PRPS1L1: variants seen among roughly 807,000 people sequenced by gnomAD.
PRPS1L1 encodes the protein ribose-phosphate pyrophosphokinase 3.
Under a neutral mutation model 16.4 loss-of-function variants are expected in PRPS1L1, and 12 were observed. That is an observed-to-expected ratio of 0.73 (90% confidence interval 0.47 to 1.19). The LOEUF (loss-of-function observed/expected upper bound fraction) is 1.19. Ranked by LOEUF, PRPS1L1 falls within the 50% of genes most tolerant of loss-of-function variation. The pLI, the probability that PRPS1L1 is intolerant of heterozygous loss-of-function variation, is 0.00. For synonymous variants in PRPS1L1, 153 were observed against 142.5 expected (o/e 1.07, Z -0.53); for missense variants, 408 against 395.8 (o/e 1.03, Z -0.26).
At position 18,027,355 on chromosome 7, in the gene PRPS1L1, TCTA is replaced by T; in HGVS notation, c.425_427del (p.Val142del). ...GACAGTTGGCTCTGCATACAAGTTG[TCTA>T]CTGGGATATCAAAAAAGCCCTGAAT... On this transcript the variant is annotated inframe_deletion, in exon 1 of 1. Coordinates refer to ENST00000506618, the MANE Select transcript of PRPS1L1 (RefSeq NM_175886.3). The T allele has an allele frequency of 6.2e-7, 1 of 1,614,180 alleles. No individual in the cohort carries two copies. Among genetic ancestry groups the T allele is most frequent in the Non-Finnish European group, 8.5e-7 (1 of 1,180,030 alleles).
At position 18,027,591 on chromosome 7, in the gene PRPS1L1, G is replaced by T; in HGVS notation, c.192C>A (p.Asn64Lys). Residue 64 changes from asparagine to lysine, a missense_variant, in exon 1 of 1, where the codon AAC becomes AAA. Coordinates refer to ENST00000506618, the MANE Select transcript of PRPS1L1 (RefSeq NM_175886.3). ...TGATCAAAAGCTCCATTAGACTGTC[G>T]TTGATTTCGCCACAACCACTCTGAA... 6.2e-7 allele frequency: 1 copy of T among 1,614,042 alleles called. No homozygotes were observed. Among genetic ancestry groups the T allele is most frequent in the Non-Finnish European group, 8.5e-7 (1 of 1,180,012 alleles).
chr7:18,027,031 C>G lies in PRPS1L1; in HGVS notation c.752G>C (p.Gly251Ala), dbSNP rs1218469939. The G allele has an allele frequency of 2.5e-6, 4 of 1,614,118 alleles. No homozygotes were observed. The highest frequency in any genetic ancestry group is 3.4e-6 in the Non-Finnish European group (4 of 1,180,006). ...AGAAATGGCTGGGCCAGAAAAGATT[C>G]CATGAGTCAAGATAGCATAAACTCT... Residue 251 changes from glycine (G) to alanine (A), a missense_variant, in exon 1 of 1, where the codon GGA (glycine) becomes GCA (alanine). Physicochemically the swap from Gly to Ala is moderately conservative, Grantham distance 60. Transcript: ENST00000506618.
In PRPS1L1 at chr7:18,027,824, G is replaced by A. The variant is rs550632968; in HGVS notation, c.-42C>T. On this transcript the variant is annotated 5_prime_UTR_variant, in exon 1 of 1. Coordinates refer to ENST00000506618, the MANE Select transcript of PRPS1L1 (RefSeq NM_175886.3). Reference sequence around the variant, plus strand: ...AGGCACTCCGTCGAGCGATCCAGCTGCCGCTGAGGCTGGAACGGAAGTGAA... The same window carrying A: ...AGGCACTCCGTCGAGCGATCCAGCTACCGCTGAGGCTGGAACGGAAGTGAA... 8 of 1,580,134 alleles carry A rather than the reference G, an allele frequency of 5.1e-6. No homozygotes were observed. The highest frequency in any genetic ancestry group is 3.3e-4 in the Middle Eastern group (2 of 5,988).
chr7:18,027,250 A>G lies in PRPS1L1; in HGVS notation c.533T>C (p.Val178Ala). The G allele has an allele frequency of 2.5e-6, 4 of 1,613,946 alleles. No individual in the cohort carries two copies. Among genetic ancestry groups the G allele is most frequent in the Non-Finnish European group, 3.4e-6 (4 of 1,180,018 alleles). ...ATTCAACTGGTCTGCAATGGAGGTC[A>G]CTCTTTTAGCTCCACCAGCATCTGG... Residue 178 changes from valine (V) to alanine (A), a missense_variant, in exon 1 of 1, where the codon GTG becomes GCG. Val to Ala is a moderately conservative substitution (Grantham distance 64, BLOSUM62 0). Coordinates refer to ENST00000506618, the MANE Select transcript of PRPS1L1 (RefSeq NM_175886.3).
chr7:18,026,782 AAT>A lies in PRPS1L1; in HGVS notation c.*42_*43del. On this transcript the variant is annotated 3_prime_UTR_variant, in exon 1 of 1. Coordinates refer to ENST00000506618, the MANE Select transcript of PRPS1L1 (RefSeq NM_175886.3). ...AATAAAGGCAAGGTTTGTTTTTATT[AAT>A]CTTATTTTATTTTAAAATAGCATAA... is the stretch of plus-strand genomic sequence containing the variant. The A allele has an allele frequency of 7.3e-7, 1 of 1,372,046 alleles. No homozygotes were observed. The highest frequency in any genetic ancestry group is 9.9e-7 in the Non-Finnish European group (1 of 1,007,830). The allele number at this position is 1,372,046 out of a possible 1,614,324, so 85.0% of individuals were successfully genotyped here.
rs1218469939 is a variant in PRPS1L1, at chr7:18,027,031, C to A, written c.752G>T (p.Gly251Val). 6.2e-7 allele frequency: 1 copy of A among 1,614,000 alleles called. No individual in the cohort carries two copies. Among genetic ancestry groups the A allele is most frequent in the Non-Finnish European group, 8.5e-7 (1 of 1,180,014 alleles). ...AGAAATGGCTGGGCCAGAAAAGATT[C>A]CATGAGTCAAGATAGCATAAACTCT... The change falls in exon 1 of 1, where the codon GGA (glycine) becomes GTA (valine). Residue 251 changes from glycine to valine, a missense_variant. By Grantham distance (109) the Gly-to-Val change is moderately radical (BLOSUM62 -3). Coordinates refer to ENST00000506618, the MANE Select transcript of PRPS1L1 (RefSeq NM_175886.3).
Position 18,027,533 on chromosome 7 carries a change from G to T in PRPS1L1, c.250C>A (p.Arg84=), listed in dbSNP as rs1050872870. 1 of 1,614,032 alleles carries T rather than the reference G, an allele frequency of 6.2e-7. No individual in the cohort carries two copies. Among genetic ancestry groups the T allele is most frequent in the African/African-American group, 1.3e-5 (1 of 74,974 alleles). ...AAGCATGGGATGACTGCAGTAACTC[G>T]GCTAGCTGAAGCAATCTTGCAGGCA... is the stretch of plus-strand genomic sequence containing the variant. The change falls in exon 1 of 1, where the codon CGA becomes AGA. Residue 84 remains arginine, a synonymous_variant. Transcript: ENST00000506618.
chr7:18,027,251 C>T lies in PRPS1L1; in HGVS notation c.532G>A (p.Val178Met). The change falls in exon 1 of 1, where the codon GTG (valine) becomes ATG (methionine). Residue 178 changes from valine to methionine, a missense_variant. Physicochemically the swap from Val to Met is conservative, Grantham distance 21. Coordinates refer to ENST00000506618, the MANE Select transcript of PRPS1L1 (RefSeq NM_175886.3). ...TTCAACTGGTCTGCAATGGAGGTCACTCTTTTAGCTCCACCAGCATCTGGC... is the reference window on the plus strand; with the variant it reads ...TTCAACTGGTCTGCAATGGAGGTCATTCTTTTAGCTCCACCAGCATCTGGC... The T allele has an allele frequency of 3.7e-6, 6 of 1,614,210 alleles. No homozygotes were observed. Among genetic ancestry groups the T allele is most frequent in the African/African-American group, 1.3e-5 (1 of 75,048 alleles).
Position 18,027,290 on chromosome 7 carries a change from A to C in PRPS1L1, c.493T>G (p.Cys165Gly). 1 of 1,614,218 alleles carries C rather than the reference A, an allele frequency of 6.2e-7. No individual in the cohort carries two copies. The highest frequency in any genetic ancestry group is 8.5e-7 in the Non-Finnish European group (1 of 1,180,046). The change falls in exon 1 of 1, where the codon TGC becomes GGC. Residue 165 changes from cysteine to glycine, a missense_variant. Coordinates refer to ENST00000506618, the MANE Select transcript of PRPS1L1 (RefSeq NM_175886.3). ...CCAGCATCTGGCGAGACAATAATGC[A>C]GTTCTTCCACTCAGGGATATTCTCC... is the stretch of plus-strand genomic sequence containing the variant.
At position 18,027,446 on chromosome 7, in the gene PRPS1L1, CA is replaced by C. The variant is rs751607985; in HGVS notation, c.336del (p.Ala113GlnfsTer6). ...GCACCTGCTATAGAGAGCATATTTGCAACAAGCTTGGCAGAGATTGGGGACC... is the reference window on the plus strand; with the variant it reads ...GCACCTGCTATAGAGAGCATATTTGCACAAGCTTGGCAGAGATTGGGGACC... On this transcript the variant is annotated frameshift_variant, in exon 1 of 1. Transcript: ENST00000506618. LOFTEE classifies it high-confidence loss of function. 4.5e-5 allele frequency: 73 copies of C among 1,614,054 alleles called. No individual in the cohort carries two copies. The highest frequency in any genetic ancestry group is 4.6e-5 in the Non-Finnish European group (54 of 1,180,052).
Position 18,027,160 on chromosome 7 carries a change from A to C in PRPS1L1, c.623T>G (p.Val208Gly), listed in dbSNP as rs772029191. The change falls in exon 1 of 1, where the codon GTG becomes GGG. Residue 208 changes from valine (V) to glycine (G), a missense_variant. Physicochemically the swap from Val to Gly is moderately radical, Grantham distance 109 (BLOSUM62 -3). Coordinates refer to ENST00000506618, the MANE Select transcript of PRPS1L1 (RefSeq NM_175886.3). ...AGCCACACGATCATTCACATCTCCC[A>C]CTAGCACTATGCAGTCCACTTCATT... is the stretch of plus-strand genomic sequence containing the variant. 19 of 1,614,098 alleles carry C rather than the reference A, an allele frequency of 1.2e-5. No homozygotes were observed. Among genetic ancestry groups the C allele is most frequent in the Non-Finnish European group, 1.5e-5 (18 of 1,180,046 alleles).
rs1583924474 is a variant in PRPS1L1 at position 18,027,027 on chromosome 7, G to A, written c.756C>T (p.Ile252=). 1 of 1,614,182 alleles carries A rather than the reference G, an allele frequency of 6.2e-7. No individual in the cohort carries two copies. The highest frequency in any genetic ancestry group is 8.5e-7 in the Non-Finnish European group (1 of 1,180,018). The stretch of plus-strand genomic sequence containing the variant: ...TGCGAGAAATGGCTGGGCCAGAAAA[G>A]ATTCCATGAGTCAAGATAGCATAAA... The change falls in exon 1 of 1, where the codon ATC becomes ATT. Residue 252 remains isoleucine, a synonymous_variant. Coordinates refer to ENST00000506618, the MANE Select transcript of PRPS1L1 (RefSeq NM_175886.3).
In PRPS1L1 at chr7:18,027,414, A is replaced by G; in HGVS notation, c.369T>C (p.His123=). The G allele has an allele frequency of 6.2e-7, 1 of 1,614,218 alleles. No homozygotes were observed. The highest frequency in any genetic ancestry group is 8.5e-7 in the Non-Finnish European group (1 of 1,180,038). The change falls in exon 1 of 1, where the codon CAT becomes CAC. Residue 123 remains histidine, a synonymous_variant. Transcript: ENST00000506618. The stretch of plus-strand genomic sequence containing the variant: ...AAGCATGTAGGTCCATGGTGATGAT[A>G]TGATCCGCACCTGCTATAGAGAGCA...
Position 18,027,170 on chromosome 7 carries a change from T to C in PRPS1L1, c.613A>G (p.Ile205Val), listed in dbSNP as rs375048566. The change falls in exon 1 of 1, where the codon ATA becomes GTA. Residue 205 changes from isoleucine (I) to valine (V), a missense_variant. Ile to Val is a conservative substitution (Grantham distance 29, BLOSUM62 3). Transcript: ENST00000506618. ...TCATTCACATCTCCCACTAGCACTA[T>C]GCAGTCCACTTCATTGGCCTTCTTC... 1.9e-6 allele frequency: 3 copies of C among 1,614,138 alleles called. No individual in the cohort carries two copies. In the African/African-American group the frequency reaches 4.0e-5, roughly 22 times the overall value.
rs772029191 is a variant in PRPS1L1, at chr7:18,027,160, A to G, written c.623T>C (p.Val208Ala). ...AGCCACACGATCATTCACATCTCCC[A>G]CTAGCACTATGCAGTCCACTTCATT... Residue 208 changes from valine (V) to alanine (A), a missense_variant, in exon 1 of 1, where the codon GTG becomes GCG. Physicochemically the swap from Val to Ala is moderately conservative, Grantham distance 64 (BLOSUM62 0). Transcript: ENST00000506618. The G allele has an allele frequency of 1.2e-6, 2 of 1,614,216 alleles. No homozygotes were observed. The highest frequency in any genetic ancestry group is 1.1e-5 in the South Asian group (1 of 91,084).
chr7:18,027,688 G>A lies in PRPS1L1; in HGVS notation c.95C>T (p.Thr32Ile), dbSNP rs755313632. The A allele has an allele frequency of 1.9e-6, 3 of 1,614,034 alleles. No individual in the cohort carries two copies. Among genetic ancestry groups the A allele is most frequent in the Non-Finnish European group, 2.5e-6 (3 of 1,180,026 alleles). Residue 32 changes from threonine (T) to isoleucine (I), a missense_variant, in exon 1 of 1, where the codon ACT becomes ATT. Thr to Ile is a moderately conservative substitution (Grantham distance 89). Transcript: ENST00000506618. ...GGTCTCCTGGTTGCTGAATTTCTTA[G>A]TCACCACCTTGCCTAGCTCCAGGCC...
Position 18,027,322 on chromosome 7 carries a change from C to T in PRPS1L1, c.461G>A (p.Trp154Ter). The stretch of plus-strand genomic sequence containing the variant: ...CCACTCAGGGATATTCTCCCTTATC[C>T]ACTTCAGGACAGTTGGCTCTGCATA... Residue 154 changes from tryptophan to a stop codon, truncating the protein, a stop_gained, in exon 1 of 1, where the codon TGG becomes TAG. Coordinates refer to ENST00000506618, the MANE Select transcript of PRPS1L1 (RefSeq NM_175886.3). LOFTEE classifies it high-confidence loss of function. 6.2e-7 allele frequency: 1 copy of T among 1,614,126 alleles called. No individual in the cohort carries two copies. The highest frequency in any genetic ancestry group is 8.5e-7 in the Non-Finnish European group (1 of 1,180,014).
rs1388594249 is a variant in PRPS1L1 at position 18,027,155 on chromosome 7, C to T, written c.628G>A (p.Asp210Asn). The change falls in exon 1 of 1, where the codon GAT becomes AAT. Residue 210 changes from aspartate (D) to asparagine (N), a missense_variant. Coordinates refer to ENST00000506618, the MANE Select transcript of PRPS1L1 (RefSeq NM_175886.3). ...AGGATAGCCACACGATCATTCACAT[C>T]TCCCACTAGCACTATGCAGTCCACT... The T allele has an allele frequency of 8.7e-6, 14 of 1,614,244 alleles. No individual in the cohort carries two copies. Among genetic ancestry groups the T allele is most frequent in the Non-Finnish European group, 1.2e-5 (14 of 1,180,046 alleles).
chr7:18,027,125 C>G lies in PRPS1L1; in HGVS notation c.658G>C (p.Asp220His), dbSNP rs780209778. The change falls in exon 1 of 1, where the codon GAT (aspartate) becomes CAT (histidine). Residue 220 changes from aspartate to histidine, a missense_variant. Asp to His is a moderately conservative substitution (Grantham distance 81, BLOSUM62 -1). Transcript: ENST00000506618. ...GTAACACAAGTGTCTGCCATGTCAT[C>G]TACAAGGATAGCCACACGATCATTC... is the stretch of plus-strand genomic sequence containing the variant. 2.4e-5 allele frequency: 39 copies of G among 1,614,134 alleles called. No homozygotes were observed. The highest frequency in any genetic ancestry group is 3.2e-5 in the Non-Finnish European group (38 of 1,180,050).
Sources: allele counts gnomAD v4.1 joint callset, GRCh38; gene constraint gnomAD v4.1.1; transcripts MANE v1.5; gene names NCBI Gene and HGNC (gene_info 2026-07-23, HGNC 2026-07-21).